Variants in CARMIL1 observed in about 807,000 individuals in gnomAD.
The protein encoded by CARMIL1 is capping protein regulator and myosin 1 linker 1, also known as F-actin-uncapping protein LRRC16A.
A neutral mutation model predicts 177.1 loss-of-function variants in CARMIL1; 90 were observed. The ratio of observed to expected loss-of-function variants is 0.51; its 90% CI spans 0.43 to 0.61. The LOEUF (loss-of-function observed/expected upper bound fraction) is 0.61. CARMIL1 is among the 20% of genes least tolerant of loss of function. The pLI, the probability that CARMIL1 is intolerant of heterozygous loss-of-function variation, is 0.00. For missense variants in CARMIL1, 1,380 were observed against 1,667.0 expected (o/e 0.83, Z 3.00); for synonymous variants, 577 against 606.2 (o/e 0.95, Z 0.71).
chr6:25,576,717 T>G (rs1812621755), intron 29 of CARMIL1, among the ~76,000 whole-genome samples: 1 of 152,194 alleles, frequency 6.6e-6, no homozygotes, highest in Non-Finnish European at 1.5e-5. Flanking sequence ...AGACATAATA[T>G]CTGTAGGTTA....
At chr6:25,502,551 CAA>C (rs11399077) in intron 17 of CARMIL1, among the ~76,000 whole-genome samples, 8 of 142,286 alleles carry the variant, frequency 5.6e-5, no homozygotes, top group African/African-American at 7.8e-5. Flanking sequence ...GACTCTATCT[CAA>C]AAAAAAAAAA....
rs1360518932 is a variant in CARMIL1, at chr6:25,515,879, G to A, written c.1805+32G>A. On this transcript the variant is annotated intron_variant, in intron 21 of 36. Coordinates refer to ENST00000329474, the MANE Select transcript of CARMIL1 (RefSeq NM_017640.6). The surrounding 1 kb of genome is among the most constrained non-coding windows in gnomAD (Gnocchi z 5.0). ...AGATCCCACCCTCCCTGCTCATGAG[G>A]AAGGCTTGGAGCAGATTCCGAACAG... is the stretch of plus-strand genomic sequence containing the variant. 1 of 1,565,504 alleles carries A rather than the reference G, an allele frequency of 6.4e-7. No individual in the cohort carries two copies.
intron 2 of CARMIL1, among the ~76,000 whole-genome samples, chr6:25,397,114 G>T (rs1362009389): frequency 6.6e-6 from 1 of 152,156 alleles, no homozygotes; most frequent in Non-Finnish European, 1.5e-5. Flanking sequence ...CCCTCAGGGG[G>T]CTAAAACTCC....
At chr6:25,610,662 C>T (rs1188270252) in intron 36 of CARMIL1, among the ~76,000 whole-genome samples, 1 of 152,202 alleles carries the variant, frequency 6.6e-6, no homozygotes, top group African/African-American at 2.4e-5. Flanking sequence ...ATGTTCCTTA[C>T]TCTCAGAAGT....
At chr6:25,477,246 C>T (rs1036780213) in intron 11 of CARMIL1, among the ~76,000 whole-genome samples, 3 of 152,040 alleles carry the variant, frequency 2.0e-5, no homozygotes, top group Admixed American at 6.6e-5. Flanking sequence ...TGGAAACTCT[C>T]AAAGAGTTGT....
At chr6:25,484,501 T>C (rs941811309) in intron 12 of CARMIL1, among the ~76,000 whole-genome samples, 1 of 152,254 alleles carries the variant, frequency 6.6e-6, no homozygotes, top group African/African-American at 2.4e-5. Flanking sequence ...GTCAGTGTTT[T>C]CAGACCTATT....
At chr6:25,411,191 A>G (rs938618848) in intron 2 of CARMIL1, among the ~76,000 whole-genome samples, 7 of 152,198 alleles carry the variant, frequency 4.6e-5, no homozygotes, top group Non-Finnish European at 2.9e-5. Context: ...CACATGCCCT[A>G]TGCAGACCTG....
chr6:25,361,982 G>A (rs1562035419), intron 2 of CARMIL1, among the ~76,000 whole-genome samples: 6 of 151,762 alleles, frequency 4.0e-5, no homozygotes, highest in Non-Finnish European at 5.9e-5. Context: ...AAGAAAAAAA[G>A]AAATTAAAAA....
At chr6:25,348,384 G>A (rs1344867443) in intron 2 of CARMIL1, among the ~76,000 whole-genome samples, 4 of 151,450 alleles carry the variant, frequency 2.6e-5, no homozygotes, top group Admixed American at 2.6e-4. Flanking sequence ...CACCCTCCTC[G>A]GCCTCCCAAA....
At chr6:25,338,980 G>A (rs1207904482) in intron 2 of CARMIL1, among the ~76,000 whole-genome samples, 1 of 151,982 alleles carries the variant, frequency 6.6e-6, no homozygotes. Context: ...TTATAGTTTC[G>A]ATGAAATGTA....
At chr6:25,426,108 A>G (rs1796256335) in intron 3 of CARMIL1, among the ~76,000 whole-genome samples, 1 of 152,224 alleles carries the variant, frequency 6.6e-6, no homozygotes, top group South Asian at 2.1e-4. Context: ...CAATGAATAA[A>G]TAGTGGTTAA....
At chr6:25,495,538 CGTGTGTGTGT>C (rs144132253) in intron 16 of CARMIL1, among the ~76,000 whole-genome samples, 42 of 144,870 alleles carry the variant, frequency 2.9e-4, no homozygotes, top group Non-Finnish European at 4.4e-4. Context: ...TTCGTTTGTT[CGTGTGTGTGT>C]GTGTGTGTGT....
At chr6:25,584,855 A>G (rs1467197729) in intron 31 of CARMIL1, among the ~76,000 whole-genome samples, 1 of 152,186 alleles carries the variant, frequency 6.6e-6, no homozygotes, top group Admixed American at 6.5e-5. Flanking sequence ...TATTTCCTCA[A>G]ATGCCAAGGC....
intron 29 of CARMIL1, among the ~76,000 whole-genome samples, chr6:25,575,673 T>A (rs1812524737): frequency 6.6e-6 from 1 of 152,218 alleles, no homozygotes. Context: ...TCCTGCTAAT[T>A]TAATGGGTCA....
intron 2 of CARMIL1, among the ~76,000 whole-genome samples, chr6:25,324,901 C>T (rs1383751600): frequency 1.3e-5 from 2 of 151,818 alleles, no homozygotes; most frequent in Non-Finnish European, 2.9e-5. Context: ...GGAAGTGAAC[C>T]CTAAGAGGAC....
intron 2 of CARMIL1, among the ~76,000 whole-genome samples, chr6:25,305,956 TAC>T (rs1362448253): frequency 6.6e-6 from 1 of 152,180 alleles, no homozygotes; most frequent in Non-Finnish European, 1.5e-5. Flanking sequence ...ACATAAAATT[TAC>T]CATTTTAACC....
chr6:25,516,690 TAAATACCCCTG>T (rs1429112791), intron 21 of CARMIL1, among the ~76,000 whole-genome samples: 1 of 152,200 alleles, frequency 6.6e-6, no homozygotes, highest in East Asian at 1.9e-4. Context: ...TGACAAATCC[TAAATACCCCTG>T]AAGTATACAC....
chr6:25,568,494 A>G (rs564425765), intron 29 of CARMIL1, among the ~76,000 whole-genome samples: 1 of 152,090 alleles, frequency 6.6e-6, no homozygotes, highest in Admixed American at 6.5e-5. Flanking sequence ...TGATTATCCA[A>G]ATTGGGGTAT....
intron 12 of CARMIL1, among the ~76,000 whole-genome samples, chr6:25,487,299 A>C (rs1802761795): frequency 6.6e-6 from 1 of 152,116 alleles, no homozygotes; most frequent in Non-Finnish European, 1.5e-5. Context: ...TGCTGCTATG[A>C]CCAGAACTGG....
Sources: gnomAD v4.1 joint callset for allele counts (sites outside exome capture counted in the v4.1 genomes callset) on GRCh38, gnomAD v4.1.1 for gene constraint, Gnocchi (gnomAD v3.1) non-coding constraint, MANE v1.5 for transcripts, NCBI Gene and HGNC (gene_info 2026-07-23, HGNC 2026-07-21) for gene names.